Variants in DAG1 observed in about 807,000 individuals in gnomAD.
The protein encoded by DAG1 is dystroglycan 1 (dystrophin-associated glycoprotein 1).
DAG1 carries 8 observed loss-of-function variants against 46.1 expected under a neutral mutation model. The observed-to-expected ratio is 0.17, with a 90% CI of 0.10 to 0.31. The LOEUF is 0.31. DAG1 is among the 10% of genes least tolerant of loss of function. DAG1 has a pLI of 1.00. For missense variants in DAG1, 1,003 were observed against 1,189.9 expected, an observed-to-expected ratio of 0.84 and a Z score of 2.31; for synonymous variants, 495 against 481.8, an observed-to-expected ratio of 1.03 and a Z score of -0.36.
chr3:49,516,465 A>G (rs2050900581), intron 2 of DAG1, among the ~76,000 whole-genome samples: 1 of 152,240 alleles, frequency 6.6e-6, no homozygotes, highest in African/African-American at 2.4e-5. Flanking sequence ...TGTGACACAC[A>G]CACTTTCAAA....
rs139686585 is a variant in DAG1, at chr3:49,517,350, G to C, written c.285+6531G>C. On this transcript the variant is annotated intron_variant, in intron 2 of 2. Transcript: ENST00000308775. ...GGTCTTATCTTCAGGTAACTGACCT[G>C]TGTTTATTTTGTGTGTCAGCATGCT... Among the ~76,000 whole-genome samples the C allele has an allele frequency of 4.1e-4, 62 of 152,286 alleles. No homozygotes were observed. The East Asian group carries it at 7.5e-3, about 18-fold the overall frequency.
At chr3:49,490,534 C>T (rs1380847779) in intron 1 of DAG1, among the ~76,000 whole-genome samples, 1 of 151,542 alleles carries the variant, frequency 6.6e-6, no homozygotes, top group East Asian at 1.9e-4. Context: ...GAGTAATTGA[C>T]AGAAATCATG....
chr3:49,523,230 C>T (rs2051083643), intron 2 of DAG1, among the ~76,000 whole-genome samples: 1 of 152,130 alleles, frequency 6.6e-6, no homozygotes, highest in Non-Finnish European at 1.5e-5. Flanking sequence ...GTAAATGTGC[C>T]AGGATCTAGT....
rs1174845656 is a variant in DAG1 at position 49,534,615 on chromosome 3, A to C, written c.*1416A>C. 1 of 152,180 alleles carries C rather than the reference A, an allele frequency of 6.6e-6. No homozygotes were observed. The highest frequency in any genetic ancestry group is 6.6e-5 in the Admixed American group (1 of 15,236). The allele number at this position is 152,180 out of a possible 1,614,324, so 9.4% of individuals were successfully genotyped here. On this transcript the variant is annotated 3_prime_UTR_variant, in exon 3 of 3. Transcript: ENST00000308775. Reference sequence around the variant, plus strand: ...TGCTTGTTTTGATTCTTTTCCCCCTACTTTTCCTAATGGTTTAAATTCTGG... The same window carrying C: ...TGCTTGTTTTGATTCTTTTCCCCCTCCTTTTCCTAATGGTTTAAATTCTGG...
chr3:49,503,883 C>T (rs1261122530), intron 1 of DAG1, among the ~76,000 whole-genome samples: 1 of 151,292 alleles, frequency 6.6e-6, no homozygotes, highest in Non-Finnish European at 1.5e-5. Context: ...CAGAGTCTTA[C>T]TGTGTCAGAT....
intron 1 of DAG1, chr3:49,510,101 A>G: frequency 3.0e-6 from 1 of 329,148 alleles, no homozygotes; most frequent in African/African-American, 2.1e-5. Flanking sequence ...TATTGAATGT[A>G]TCTGACTGTA....
At chr3:49,486,345 G>T (rs2050025868) in intron 1 of DAG1, among the ~76,000 whole-genome samples, 1 of 149,310 alleles carries the variant, frequency 6.7e-6, no homozygotes, top group Non-Finnish European at 1.5e-5. Context: ...CAGCCTCCCT[G>T]GTAGCTGGGA....
intron 1 of DAG1, among the ~76,000 whole-genome samples, chr3:49,497,246 G>A (rs1253165075): frequency 3.9e-5 from 6 of 151,968 alleles, no homozygotes; most frequent in Admixed American, 3.3e-4. Flanking sequence ...AGACCAGCCT[G>A]GCTAACATGG....
chr3:49,519,500 G>A (rs2050975754), intron 2 of DAG1, among the ~76,000 whole-genome samples: 1 of 152,160 alleles, frequency 6.6e-6, no homozygotes, highest in Admixed American at 6.6e-5. Context: ...GTTCATGAAA[G>A]GAGCATTTCT....
intron 2 of DAG1, among the ~76,000 whole-genome samples, chr3:49,522,848 G>A (rs2051071832): frequency 6.6e-6 from 1 of 152,112 alleles, no homozygotes. Flanking sequence ...CCTTAAATCA[G>A]GCTTTCTTGG....
In DAG1 at chr3:49,530,886, T is replaced by A. The variant is rs2051321721; in HGVS notation, c.375T>A (p.Asp125Glu). ...TGGAGGGCCTCCCCCTTGACACTGATAAGGGTGTGCATTACATTTCAGTGA... is the reference window on the plus strand; with the variant it reads ...TGGAGGGCCTCCCCCTTGACACTGAAAAGGGTGTGCATTACATTTCAGTGA... ...HTLEGLPLDT[D>E]KGVHYISVSA... The change falls in exon 3 of 3, where the codon GAT becomes GAA. Residue 125 changes from aspartate to glutamate, a missense_variant. This residue lies in a region of DAG1 where 196 missense variants were observed against 239.1 expected (regional missense o/e 0.82). Coordinates refer to ENST00000308775, the MANE Select transcript of DAG1 (RefSeq NM_004393.6). 8.7e-6 allele frequency: 14 copies of A among 1,614,016 alleles called. No individual in the cohort carries two copies. The East Asian group carries it at 3.1e-4, about 36-fold the overall frequency.
intron 1 of DAG1, among the ~76,000 whole-genome samples, chr3:49,499,454 A>G (rs770922351): frequency 1.8e-4 from 27 of 152,210 alleles, no homozygotes; most frequent in Non-Finnish European, 3.4e-4. Flanking sequence ...AGTTTCATTC[A>G]CTGTGAGTTT....
intron 1 of DAG1, among the ~76,000 whole-genome samples, chr3:49,485,143 C>T (rs1288958046): frequency 6.6e-6 from 1 of 151,990 alleles, no homozygotes; most frequent in Admixed American, 6.6e-5. Context: ...TCTGCCACCA[C>T]GCCTGGCTAA....
At chr3:49,478,830 T>G (rs2049777618) in intron 1 of DAG1, among the ~76,000 whole-genome samples, 1 of 103,782 alleles carries the variant, frequency 9.6e-6, no homozygotes, top group Non-Finnish European at 1.9e-5. Context: ...TTTTTTTTTT[T>G]GGATACAGAA....
In DAG1 at chr3:49,518,503, C is replaced by T. The variant is rs142088054; in HGVS notation, c.285+7684C>T. 2.0e-4 allele frequency among the ~76,000 whole-genome samples: 31 copies of T among 152,266 alleles called. No individual in the cohort carries two copies. In the East Asian group the frequency reaches 4.6e-3, roughly 23 times the overall value. ...AACAAAGCGCCTGAAGCAAATGCTTCGCTACATTTTATATTGGTGTATACT... is the reference window on the plus strand; with the variant it reads ...AACAAAGCGCCTGAAGCAAATGCTTTGCTACATTTTATATTGGTGTATACT... On this transcript the variant is annotated intron_variant, in intron 2 of 2. Coordinates refer to ENST00000308775, the MANE Select transcript of DAG1 (RefSeq NM_004393.6).
Position 49,506,811 on chromosome 3 carries a change from C to T in DAG1, c.-116-3608C>T, listed in dbSNP as rs527558708. ...TGATTTTGATATCAGGATAATGCTA[C>T]CTTAATAGAATGAATTGGAGCCAAG... is the stretch of plus-strand genomic sequence containing the variant. On this transcript the variant is annotated intron_variant, in intron 1 of 2. Transcript: ENST00000308775. 2.6e-5 allele frequency among the ~76,000 whole-genome samples: 4 copies of T among 151,954 alleles called. No homozygotes were observed. In the South Asian group the frequency reaches 8.3e-4, roughly 32 times the overall value.
At chr3:49,524,082 A>C (rs2051106065) in intron 2 of DAG1, among the ~76,000 whole-genome samples, 1 of 152,190 alleles carries the variant, frequency 6.6e-6, no homozygotes, top group African/African-American at 2.4e-5. Context: ...AAAGCTGAGG[A>C]GGTATCCAGA....
At chr3:49,505,161 T>G (rs1003819124) in intron 1 of DAG1, among the ~76,000 whole-genome samples, 14 of 151,882 alleles carry the variant, frequency 9.2e-5, no homozygotes, top group Admixed American at 2.0e-4. Context: ...TTTAAAATTT[T>G]TGTAGAGATG....
chr3:49,528,275 A>ATTTTTTGTTTTTTTTTTTTTTTTTTTT (rs2051239753), intron 2 of DAG1, among the ~76,000 whole-genome samples: 1 of 66,660 alleles, frequency 1.5e-5, no homozygotes, highest in Non-Finnish European at 2.6e-5. Flanking sequence ...AAATAGTGTG[A>ATTTTTTGTTTTTTTTTTTTTTTTTTTT]TTTTTTTTTT....
Sources: allele counts gnomAD v4.1 joint callset (sites outside exome capture counted in the v4.1 genomes callset), GRCh38; gene constraint gnomAD v4.1.1; regional missense constraint gnomAD v4.1.1; transcripts MANE v1.5; gene names NCBI Gene and HGNC (gene_info 2026-07-23, HGNC 2026-07-21).